Variants in BRINP3 observed in about 807,000 individuals in gnomAD.
BRINP3 encodes BMP/retinoic acid-inducible neural-specific protein 3.
Under a neutral mutation model 71.0 loss-of-function variants are expected in BRINP3, and 19 were observed. The ratio of observed to expected loss-of-function variants is 0.27; its 90% CI spans 0.19 to 0.39. The LOEUF is 0.39. Ranked by LOEUF, BRINP3 falls within the 10% of genes least tolerant of loss-of-function variation. BRINP3 has a pLI of 1.00. For missense variants in BRINP3, 959 were observed against 940.8 expected, an observed-to-expected ratio of 1.02 and a Z score of -0.25; for synonymous variants, 380 against 337.7, an observed-to-expected ratio of 1.13 and a Z score of -1.37.
intron 6 of BRINP3, among the ~76,000 whole-genome samples, chr1:190,211,353 A>ACTC (rs1437103559): frequency 1.2e-3 from 187 of 152,240 alleles, no homozygotes; most frequent in Non-Finnish European, 2.2e-3. Context: ...ACCCTGGATA[A>ACTC]TACAGGTAGT....
intron 1 of BRINP3, among the ~76,000 whole-genome samples, chr1:190,464,030 A>G: frequency 6.6e-6 from 1 of 152,038 alleles, no homozygotes; most frequent in Non-Finnish European, 1.5e-5. Flanking sequence ...TGTTGAAATA[A>G]ACAATAATAT....
At chr1:190,284,553 T>C (rs934501295) in intron 2 of BRINP3, among the ~76,000 whole-genome samples, 1 of 152,074 alleles carries the variant, frequency 6.6e-6, no homozygotes, top group African/African-American at 2.4e-5. Flanking sequence ...TGTTCTTTGA[T>C]ATGAATGGAT....
At chr1:190,105,826 A>G (rs1652110493) in intron 7 of BRINP3, among the ~76,000 whole-genome samples, 1 of 152,026 alleles carries the variant, frequency 6.6e-6, no homozygotes, top group Non-Finnish European at 1.5e-5. Flanking sequence ...TCTCTCTTCC[A>G]CTTATAATAT....
chr1:190,164,891 T>C (rs1247927967), intron 6 of BRINP3, among the ~76,000 whole-genome samples: 1 of 152,098 alleles, frequency 6.6e-6, no homozygotes, highest in Non-Finnish European at 1.5e-5. Context: ...TTAAATAAAA[T>C]GACATTATTT....
Position 190,171,915 on chromosome 1 carries a change from G to A in BRINP3, c.962-11025C>T, listed in dbSNP as rs139716407. 4.0e-5 allele frequency among the ~76,000 whole-genome samples: 6 copies of A among 151,708 alleles called. No individual in the cohort carries two copies. The East Asian group carries it at 7.8e-4, about 20-fold the overall frequency. ...TGACACCAGAAGTTTGAGACCAGCC[G>A]GCGAAGCATAGTAAGACCCCAACTC... On this transcript the variant is annotated intron_variant, in intron 6 of 7. Coordinates refer to ENST00000367462, the MANE Select transcript of BRINP3 (RefSeq NM_199051.3).
intron 2 of BRINP3, among the ~76,000 whole-genome samples, chr1:190,441,800 T>C (rs1019486554): frequency 2.6e-5 from 4 of 152,104 alleles, no homozygotes; most frequent in Non-Finnish European, 4.4e-5. Flanking sequence ...TAAAAGAGAA[T>C]AGTAATGTGA....
intron 3 of BRINP3, among the ~76,000 whole-genome samples, chr1:190,276,162 G>T (rs1438915378): frequency 6.6e-6 from 1 of 151,376 alleles, no homozygotes; most frequent in Non-Finnish European, 1.5e-5. Context: ...TATATATTCT[G>T]AGAGAAAGTA....
intron 6 of BRINP3, among the ~76,000 whole-genome samples, chr1:190,210,317 A>G (rs1251239013): frequency 6.6e-6 from 1 of 152,102 alleles, no homozygotes; most frequent in African/African-American, 2.4e-5. Context: ...ATATCTCTTC[A>G]CTATAGCATG....
At chr1:190,173,224 G>A (rs1652181874) in intron 6 of BRINP3, among the ~76,000 whole-genome samples, 1 of 152,130 alleles carries the variant, frequency 6.6e-6, no homozygotes, top group Non-Finnish European at 1.5e-5. Flanking sequence ...GGATAGCAAT[G>A]GATCCAGATA....
chr1:190,363,770 A>C (rs1413626367), intron 2 of BRINP3, among the ~76,000 whole-genome samples: 1 of 152,154 alleles, frequency 6.6e-6, no homozygotes, highest in Non-Finnish European at 1.5e-5. Flanking sequence ...GCATTAAATA[A>C]AATTAGGAGA....
At chr1:190,379,931 G>A (rs1411982880) in intron 2 of BRINP3, among the ~76,000 whole-genome samples, 1 of 146,044 alleles carries the variant, frequency 6.8e-6, no homozygotes, top group Non-Finnish European at 1.5e-5. Context: ...CCCAGTGGCG[G>A]AGGTTGCAGT....
chr1:190,474,781 G>T (rs1677387801), intron 1 of BRINP3: 1 of 151,898 alleles, frequency 6.6e-6, no homozygotes. Context: ...AACTCTTGGG[G>T]ACTAGGAGAA....
At chr1:190,459,134 A>AC (rs1676210403) in intron 1 of BRINP3, among the ~76,000 whole-genome samples, 1 of 147,072 alleles carries the variant, frequency 6.8e-6, no homozygotes, top group African/African-American at 2.6e-5. Flanking sequence ...ATTCTTTCTC[A>AC]CAAAAAAAAA....
chr1:190,158,449 C>T (rs1351033438), intron 7 of BRINP3, among the ~76,000 whole-genome samples: 1 of 152,098 alleles, frequency 6.6e-6, no homozygotes, highest in South Asian at 2.1e-4. Flanking sequence ...AAAGTAGACA[C>T]TAGAGACTAT....
intron 4 of BRINP3, among the ~76,000 whole-genome samples, chr1:190,248,904 A>G (rs936815203): frequency 2.6e-5 from 4 of 151,768 alleles, no homozygotes; most frequent in African/African-American, 9.7e-5. Flanking sequence ...TAAATAATAT[A>G]TTATTCTCAA....
intron 6 of BRINP3, among the ~76,000 whole-genome samples, chr1:190,177,075 G>A (rs1652580760): frequency 6.8e-6 from 1 of 147,488 alleles, no homozygotes; most frequent in Admixed American, 6.8e-5. Context: ...ATATTTTTTT[G>A]CTACATCTCC....
chr1:190,445,263 T>C (rs567387489), intron 2 of BRINP3, among the ~76,000 whole-genome samples: 23 of 152,222 alleles, frequency 1.5e-4, no homozygotes, highest in Non-Finnish European at 2.8e-4. Flanking sequence ...ATAGTACACA[T>C]TTCAGCTTTA....
chr1:190,153,552 A>C (rs564444183), intron 7 of BRINP3, among the ~76,000 whole-genome samples: 1 of 152,296 alleles, frequency 6.6e-6, no homozygotes, highest in East Asian at 1.9e-4. Flanking sequence ...TAGAAAAATA[A>C]AATAATAAAA....
At chr1:190,283,850 T>C (rs1462383218) in intron 2 of BRINP3, among the ~76,000 whole-genome samples, 2 of 151,682 alleles carry the variant, frequency 1.3e-5, no homozygotes, top group Admixed American at 1.3e-4. Context: ...AAACATTTAA[T>C]TTTTTAACTC....
Sources: gnomAD v4.1 joint callset for allele counts (sites outside exome capture counted in the v4.1 genomes callset) on GRCh38, gnomAD v4.1.1 for gene constraint, MANE v1.5 for transcripts, NCBI Gene and HGNC (gene_info 2026-07-23, HGNC 2026-07-21) for gene names.